The following GRM8 variants were observed in gnomAD, a reference collection of about 807,000 sequenced individuals.
The protein encoded by GRM8 is glutamate metabotropic receptor 8.
A neutral mutation model predicts 87.2 loss-of-function variants in GRM8; 47 were observed. The ratio of observed to expected loss-of-function variants is 0.54; its 90% CI spans 0.43 to 0.69. The LOEUF is 0.69. Among genes scored for constraint, GRM8 ranks in the 30% least tolerant of loss-of-function variants. The probability of loss-of-function intolerance (pLI) is 0.00; values close to 1 mark genes in which losing one functional copy is unlikely to be tolerated. For synonymous variants in GRM8, 396 were observed against 404.5 expected, an observed-to-expected ratio of 0.98 and a Z score of 0.25; for missense variants, 1,019 against 1,139.2, an observed-to-expected ratio of 0.89 and a Z score of 1.52.
rs377737128 is a variant in GRM8 at position 127,038,595 on chromosome 7, TA to T, written c.727+67900del. On this transcript the variant is annotated intron_variant, in intron 3 of 10. Coordinates refer to ENST00000339582, the MANE Select transcript of GRM8 (RefSeq NM_000845.3). ...ACTTAAAAAGATTATTTTTTAAATT[TA>T]TTTACCTACAAGTATATTCTTGTCA... 7.2e-5 allele frequency among the ~76,000 whole-genome samples: 11 copies of T among 152,288 alleles called. No homozygotes were observed. The East Asian group carries it at 2.1e-3, about 29-fold the overall frequency.
intron 9 of GRM8, among the ~76,000 whole-genome samples, chr7:126,488,209 G>T (rs372679736): frequency 6.6e-6 from 1 of 151,940 alleles, no homozygotes; most frequent in African/African-American, 2.4e-5. Context: ...TCATGGTAGC[G>T]AAGAACAGAA....
intron 6 of GRM8, among the ~76,000 whole-genome samples, chr7:126,892,021 T>TAAAA (rs5887316): frequency 0.019 from 1,797 of 94,810 alleles, 64 homozygotes; most frequent in South Asian, 0.04. Flanking sequence ...TCTTGCAGGG[T>TAAAA]AAAAAAAAAA....
chr7:126,749,244 T>C (rs1816098757), intron 7 of GRM8, among the ~76,000 whole-genome samples: 1 of 151,960 alleles, frequency 6.6e-6, no homozygotes, highest in African/African-American at 2.4e-5. Flanking sequence ...GCCACTGCAC[T>C]CCAGCCTAGG....
chr7:126,860,762 T>C (rs1798074090), intron 6 of GRM8, among the ~76,000 whole-genome samples: 1 of 152,164 alleles, frequency 6.6e-6, no homozygotes, highest in African/African-American at 2.4e-5. Flanking sequence ...GGCCAAAACA[T>C]GGCTTTTAAA....
chr7:127,056,481 T>C (rs1485029403), intron 3 of GRM8, among the ~76,000 whole-genome samples: 1 of 152,184 alleles, frequency 6.6e-6, no homozygotes, highest in African/African-American at 2.4e-5. Context: ...GCTAATGATC[T>C]ACTGTCAATG....
chr7:126,971,396 T>C (rs182756795), intron 3 of GRM8, among the ~76,000 whole-genome samples: 1 of 152,310 alleles, frequency 6.6e-6, no homozygotes, highest in Admixed American at 6.5e-5. Flanking sequence ...CATTAGGCTT[T>C]GCTAACTGCC....
At position 126,510,293 on chromosome 7, in the gene GRM8, C is replaced by CAA. The variant is rs3038818; in HGVS notation, c.2430+22657_2430+22658dup. On this transcript the variant is annotated intron_variant, in intron 9 of 10. Coordinates refer to ENST00000339582, the MANE Select transcript of GRM8 (RefSeq NM_000845.3). Reference sequence around the variant, plus strand: ...CACTTTAAAGACACATAGGTTTTAGCAAAAAAAAAAAAAAAATGAACTCAA... The same window carrying CAA: ...CACTTTAAAGACACATAGGTTTTAGCAAAAAAAAAAAAAAAAAATGAACTCAA... Among the ~76,000 whole-genome samples, 129 of 130,016 alleles carry CAA rather than the reference C, an allele frequency of 9.9e-4. 1 individual carries two copies. The highest frequency in any genetic ancestry group is 3.9e-3 in the Middle Eastern group (1 of 254). The allele number at this position is 130,016 out of a possible 152,430, so 85.3% of individuals were successfully genotyped here.
intron 6 of GRM8, among the ~76,000 whole-genome samples, chr7:126,788,315 C>G (rs1820848934): frequency 6.9e-6 from 1 of 144,072 alleles, no homozygotes; most frequent in Non-Finnish European, 1.5e-5. Context: ...GAGGCTGAGA[C>G]AGGAGAATTG....
chr7:126,463,297 C>T (rs1584696050), intron 9 of GRM8, among the ~76,000 whole-genome samples: 1 of 151,656 alleles, frequency 6.6e-6, no homozygotes, highest in African/African-American at 2.4e-5. Context: ...ATTGTATACT[C>T]AGTGCATATA....
In GRM8 at chr7:126,617,282, A is replaced by T. The variant is rs138487436; in HGVS notation, c.1358-7784T>A. Among the ~76,000 whole-genome samples the T allele has an allele frequency of 4.1e-3, 623 of 152,354 alleles. 18 individuals carry two copies. In the East Asian group the frequency reaches 0.078, roughly 19 times the overall value. On this transcript the variant is annotated intron_variant, in intron 7 of 10. Coordinates refer to ENST00000339582, the MANE Select transcript of GRM8 (RefSeq NM_000845.3). ...CAGAACCAAAGACAAAAGCCACATG[A>T]TTATCTCAATAGATGAAGAAAAGGC...
chr7:126,800,817 C>T (rs549156469), intron 6 of GRM8, among the ~76,000 whole-genome samples: 20 of 151,908 alleles, frequency 1.3e-4, no homozygotes, highest in African/African-American at 4.8e-4. Flanking sequence ...AGTCAGAAGC[C>T]TTAAAAAGAA....
chr7:127,179,973 CA>C (rs1794342205), intron 2 of GRM8, among the ~76,000 whole-genome samples: 1 of 151,836 alleles, frequency 6.6e-6, no homozygotes, highest in Non-Finnish European at 1.5e-5. Context: ...AACCCAAACC[CA>C]GCAGAAGAAA....
intron 9 of GRM8, among the ~76,000 whole-genome samples, chr7:126,509,117 G>A (rs1195593866): frequency 6.6e-6 from 1 of 152,068 alleles, no homozygotes; most frequent in Non-Finnish European, 1.5e-5. Flanking sequence ...AATTTGAAAA[G>A]CATATTGGAA....
chr7:126,752,890 G>T (rs1816585149), intron 7 of GRM8, among the ~76,000 whole-genome samples: 1 of 151,988 alleles, frequency 6.6e-6, no homozygotes, highest in South Asian at 2.1e-4. Context: ...TCCTGTTTCT[G>T]CATGGAAATA....
At position 127,106,536 on chromosome 7, in the gene GRM8, C is replaced by T. The variant is rs1418123584; in HGVS notation, c.687G>A (p.Glu229=). 1.2e-6 allele frequency: 2 copies of T among 1,613,952 alleles called. No homozygotes were observed. Among genetic ancestry groups the T allele is most frequent in the African/African-American group, 2.7e-5 (2 of 74,928 alleles). The change falls in exon 3 of 11, where the codon GAG becomes GAA. Residue 229 remains glutamate, a synonymous_variant. Coordinates refer to ENST00000339582, the MANE Select transcript of GRM8 (RefSeq NM_000845.3). The stretch of plus-strand genomic sequence containing the variant: ...TCTGGGTGAAGGCCTCCACACCGCT[C>T]TCACCATAGTTCCCCTCAGAAGCCA... ...STLASEGNYG[E]SGVEAFTQIS...
At chr7:126,705,073 T>G (rs974486182) in intron 7 of GRM8, among the ~76,000 whole-genome samples, 2 of 152,176 alleles carry the variant, frequency 1.3e-5, no homozygotes, top group African/African-American at 4.8e-5. Flanking sequence ...CGCCCAGCTT[T>G]AAAATTTCTC....
At chr7:126,824,587 GC>G (rs1563221431) in intron 6 of GRM8, among the ~76,000 whole-genome samples, 1 of 152,150 alleles carries the variant, frequency 6.6e-6, no homozygotes, top group East Asian at 1.9e-4. Context: ...CTGTGGCTAA[GC>G]CCATGGCAGG....
chr7:126,973,311 G>A lies in GRM8; in HGVS notation c.728-68628C>T, dbSNP rs115302187. Among the ~76,000 whole-genome samples the A allele has an allele frequency of 1.8e-3, 277 of 152,318 alleles. 1 individual carries two copies. The highest frequency in any genetic ancestry group is 4.2e-3 in the African/African-American group (175 of 41,560). ...CATTGCTTTGCTGTATAAAATAGTGGTTAGAGCTTTGGAGTGAAACCCACC... is the reference window on the plus strand; with the variant it reads ...CATTGCTTTGCTGTATAAAATAGTGATTAGAGCTTTGGAGTGAAACCCACC... On this transcript the variant is annotated intron_variant, in intron 3 of 10. Coordinates refer to ENST00000339582, the MANE Select transcript of GRM8 (RefSeq NM_000845.3).
chr7:127,109,654 T>C (rs1174385995), intron 2 of GRM8, among the ~76,000 whole-genome samples: 1 of 152,192 alleles, frequency 6.6e-6, no homozygotes, highest in Non-Finnish European at 1.5e-5. Context: ...CCATCTAACA[T>C]TAGAATCATG....
Sources: allele counts gnomAD v4.1 joint callset (sites outside exome capture counted in the v4.1 genomes callset), GRCh38; gene constraint gnomAD v4.1.1; transcripts MANE v1.5; gene names NCBI Gene and HGNC (gene_info 2026-07-23, HGNC 2026-07-21).